ZNF277: variants seen among roughly 807,000 people sequenced by gnomAD.
ZNF277 encodes zinc finger protein 277.
Under a neutral mutation model 60.7 loss-of-function variants are expected in ZNF277, and 55 were observed. The observed-to-expected ratio is 0.91, with a 90% CI of 0.73 to 1.13. The LOEUF is 1.13. Ranked by LOEUF, ZNF277 falls within the 50% of genes most tolerant of loss-of-function variation. ZNF277 has a pLI of 0.00. For synonymous variants in ZNF277, 178 were observed against 179.3 expected, an observed-to-expected ratio of 0.99 and a Z score of 0.06; for missense variants, 510 against 523.0, an observed-to-expected ratio of 0.98 and a Z score of 0.24.
At chr7:112,287,233 G>T (rs765802395) in intron 2 of ZNF277, 159 bp downstream of exon 2, 1 of 669,926 alleles carries the variant, frequency 1.5e-6, no homozygotes, top group Non-Finnish European at 2.5e-6. Flanking sequence ...AAATTATCTA[G>T]GATCAATGGC....
chr7:112,243,988 T>G (rs879089784), intron 1 of ZNF277, among the ~76,000 whole-genome samples: 1 of 152,094 alleles, frequency 6.6e-6, no homozygotes, highest in African/African-American at 2.4e-5. Context: ...ATGCAATCAT[T>G]TATTTTGCAA....
intron 1 of ZNF277, among the ~76,000 whole-genome samples, chr7:112,277,913 G>A (rs1224872631): frequency 6.6e-6 from 1 of 152,140 alleles, no homozygotes; most frequent in African/African-American, 2.4e-5. Context: ...TAAAAGTAAG[G>A]CAGCAGGCTA....
At chr7:112,245,886 C>T (rs563497831) in intron 1 of ZNF277, among the ~76,000 whole-genome samples, 1 of 152,222 alleles carries the variant, frequency 6.6e-6, no homozygotes, top group South Asian at 2.1e-4. Flanking sequence ...TACGGAGACA[C>T]AATTCAGCAC....
chr7:112,304,228 TTA>T (rs545624446), intron 4 of ZNF277, among the ~76,000 whole-genome samples: 165 of 152,284 alleles, frequency 1.1e-3, no homozygotes, highest in Admixed American at 2.1e-3. Context: ...TTTAGTACAG[TTA>T]TCCCTGCCTT....
At chr7:112,305,968 G>A (rs1323711122) in intron 4 of ZNF277, among the ~76,000 whole-genome samples, 2 of 152,042 alleles carry the variant, frequency 1.3e-5, no homozygotes, top group African/African-American at 4.8e-5. Context: ...TTATAAATAA[G>A]TCACTTCAAA....
At chr7:112,318,362 C>A in intron 5 of ZNF277, 89 bp downstream of exon 5, 2 of 1,204,412 alleles carry the variant, frequency 1.7e-6, no homozygotes, top group South Asian at 1.3e-5. Context: ...AAATTAAGTT[C>A]TATGTGTTGG....
intron 1 of ZNF277, among the ~76,000 whole-genome samples, chr7:112,277,016 T>A (rs1221375749): frequency 6.6e-6 from 1 of 151,676 alleles, no homozygotes; most frequent in Non-Finnish European, 1.5e-5. Flanking sequence ...AAAATATAAG[T>A]AACAGGATAC....
intron 1 of ZNF277, 37 bp downstream of exon 1, chr7:112,206,844 T>TG: frequency 6.3e-7 from 1 of 1,596,816 alleles, no homozygotes. Context: ...CTGATGTGTC[T>TG]TCCTTTCTCT....
intron 1 of ZNF277, among the ~76,000 whole-genome samples, chr7:112,257,095 A>T (rs905184316): frequency 6.6e-6 from 1 of 152,240 alleles, no homozygotes; most frequent in Non-Finnish European, 1.5e-5. Flanking sequence ...GGGATTACAC[A>T]CTTCACTGAC....
intron 5 of ZNF277, among the ~76,000 whole-genome samples, chr7:112,318,907 C>G (rs1792911379): frequency 6.6e-6 from 1 of 152,044 alleles, no homozygotes; most frequent in African/African-American, 2.4e-5. Context: ...GCTAGAATTA[C>G]TTACAGAACT....
At chr7:112,236,772 G>T (rs929353089) in intron 1 of ZNF277, among the ~76,000 whole-genome samples, 2 of 152,070 alleles carry the variant, frequency 1.3e-5, no homozygotes, top group Middle Eastern at 3.4e-3. Flanking sequence ...AAATATTTAT[G>T]TTGTAAAGTG....
intron 1 of ZNF277, among the ~76,000 whole-genome samples, chr7:112,234,549 A>G (rs1309895169): frequency 6.6e-6 from 1 of 152,126 alleles, no homozygotes; most frequent in South Asian, 2.1e-4. Flanking sequence ...ATGTTTCTAC[A>G]TATGAATTTT....
intron 1 of ZNF277, among the ~76,000 whole-genome samples, chr7:112,208,744 G>A (rs919334755): frequency 4.4e-5 from 6 of 136,260 alleles, no homozygotes; most frequent in Non-Finnish European, 9.2e-5. Flanking sequence ...GCAGTGGCGC[G>A]ATCTCGGCTC....
chr7:112,210,299 G>T (rs1023828086), intron 1 of ZNF277, among the ~76,000 whole-genome samples: 2 of 152,018 alleles, frequency 1.3e-5, no homozygotes, highest in Admixed American at 1.3e-4. Context: ...AGAAATCCTT[G>T]CAATTCCTCA....
chr7:112,277,461 T>C lies in ZNF277; in HGVS notation c.92-9412T>C, dbSNP rs187286237. Among the ~76,000 whole-genome samples the C allele has an allele frequency of 8.7e-4, 132 of 152,290 alleles. 1 individual carries two copies. The highest frequency in any genetic ancestry group is 2.9e-3 in the African/African-American group (122 of 41,572). ...CACACAGTATTTATATAGTTTCCCA[T>C]TGAATTCCCGAAACCCCAGTCTCTC... On this transcript the variant is annotated intron_variant, in intron 1 of 11. Coordinates refer to ENST00000361822, the MANE Select transcript of ZNF277 (RefSeq NM_021994.3).
intron 5 of ZNF277, 64 bp downstream of exon 5, chr7:112,318,337 A>G: frequency 7.2e-7 from 1 of 1,397,940 alleles, no homozygotes; most frequent in Admixed American, 1.7e-5. Flanking sequence ...GAACATCCCT[A>G]ACTGTTGGTT....
chr7:112,278,043 T>G (rs954495465), intron 1 of ZNF277, among the ~76,000 whole-genome samples: 1 of 152,194 alleles, frequency 6.6e-6, no homozygotes, highest in Non-Finnish European at 1.5e-5. Context: ...ACCTTTGTCT[T>G]CAATATGAAC....
At chr7:112,240,937 G>T (rs1263043180) in intron 1 of ZNF277, among the ~76,000 whole-genome samples, 3 of 152,088 alleles carry the variant, frequency 2.0e-5, no homozygotes, top group African/African-American at 7.2e-5. Context: ...CTAGAGCATT[G>T]GTCTGGGCAA....
At chr7:112,214,476 C>G (rs1821831879) in intron 1 of ZNF277, among the ~76,000 whole-genome samples, 1 of 152,140 alleles carries the variant, frequency 6.6e-6, no homozygotes, top group South Asian at 2.1e-4. Flanking sequence ...TTCTACTGAC[C>G]TACTTGACCC....
Sources: allele counts gnomAD v4.1 joint callset (sites outside exome capture counted in the v4.1 genomes callset), GRCh38; gene constraint gnomAD v4.1.1; transcripts MANE v1.5; gene names NCBI Gene and HGNC (gene_info 2026-07-23, HGNC 2026-07-21).